ASTN2: variants seen among roughly 807,000 people sequenced by gnomAD.
The protein encoded by ASTN2 is astrotactin 2, also known as astrotactin-2.
ASTN2 carries 54 observed loss-of-function variants against 139.8 expected under a neutral mutation model. That is an observed-to-expected ratio of 0.39 (90% CI 0.31 to 0.48). ASTN2 has a LOEUF of 0.48. ASTN2 is among the 20% of genes least tolerant of loss of function. ASTN2 has a pLI of 0.95. For missense variants in ASTN2, 1,565 were observed against 1,725.1 expected, an observed-to-expected ratio of 0.91 and a Z score of 1.64; for synonymous variants, 756 against 719.5, an observed-to-expected ratio of 1.05 and a Z score of -0.81.
intron 5 of ASTN2, among the ~76,000 whole-genome samples, chr9:117,073,007 GA>G: frequency 6.6e-6 from 1 of 152,226 alleles, no homozygotes; most frequent in East Asian, 1.9e-4. Context: ...CTACAAAAGA[GA>G]AAAGGAGGGA....
At chr9:117,286,382 C>A (rs1834451669) in intron 2 of ASTN2, among the ~76,000 whole-genome samples, 1 of 138,800 alleles carries the variant, frequency 7.2e-6, no homozygotes, top group Non-Finnish European at 1.5e-5. Flanking sequence ...AGCAGAGTCT[C>A]ACTCTGTTGC....
rs571989197 is a variant in ASTN2 at position 117,291,672 on chromosome 9, A to G, written c.443-159T>C. On this transcript the variant is annotated intron_variant, in intron 1 of 22. Coordinates refer to ENST00000313400, the MANE Select transcript of ASTN2 (RefSeq NM_001365068.1). ...CTATGAGATAGGGATCATCACTTTC[A>G]TTTATAGATGAGTCAACTGTGACCA... 2.4e-4 allele frequency among the ~76,000 whole-genome samples: 37 copies of G among 152,326 alleles called. No homozygotes were observed. In the South Asian group the frequency reaches 7.0e-3, roughly 29 times the overall value.
intron 11 of ASTN2, among the ~76,000 whole-genome samples, chr9:116,840,679 G>A (rs139867447): frequency 0.057 from 4,965 of 86,504 alleles, 368 homozygotes; most frequent in African/African-American, 0.16. Context: ...TTGCCAGGCA[G>A]AGGGTCTCCT....
At chr9:116,492,816 A>C (rs1849557871) in intron 19 of ASTN2, among the ~76,000 whole-genome samples, 1 of 152,206 alleles carries the variant, frequency 6.6e-6, no homozygotes, top group Admixed American at 6.5e-5. Flanking sequence ...ATAGGAGTTT[A>C]GTACATTTCT....
intron 2 of ASTN2, among the ~76,000 whole-genome samples, chr9:117,283,132 T>C (rs1055555629): frequency 7.2e-5 from 11 of 152,322 alleles, no homozygotes; most frequent in East Asian, 3.9e-4. Flanking sequence ...AGCCGGTATG[T>C]GGAAGTCTAA....
chr9:116,491,844 G>C (rs11794318), intron 19 of ASTN2, among the ~76,000 whole-genome samples: 49,693 of 152,038 alleles, frequency 0.33, 8,593 homozygotes, highest in Admixed American at 0.44. Flanking sequence ...ATAATATACA[G>C]AGCAGTGGTT....
chr9:116,889,757 AC>A (rs1833714748), intron 10 of ASTN2, among the ~76,000 whole-genome samples: 2 of 148,976 alleles, frequency 1.3e-5, no homozygotes, highest in African/African-American at 5.0e-5. Context: ...ACACACACAC[AC>A]ACACACACAC....
chr9:116,710,755 A>AAG (rs1828132989), intron 16 of ASTN2, among the ~76,000 whole-genome samples: 1 of 148,060 alleles, frequency 6.8e-6, no homozygotes, highest in African/African-American at 2.6e-5. Flanking sequence ...AAAAAAAAAA[A>AAG]AAGAAGAGAA....
At chr9:116,712,170 G>T (rs1374506244) in intron 16 of ASTN2, among the ~76,000 whole-genome samples, 1 of 151,948 alleles carries the variant, frequency 6.6e-6, no homozygotes, top group African/African-American at 2.4e-5. Context: ...TCTTATCTCA[G>T]GGACATTTTT....
chr9:116,803,498 ATATATATATATATATATATATATATTTTT>A (rs1252195266), intron 13 of ASTN2, among the ~76,000 whole-genome samples: 1,155 of 41,554 alleles, frequency 0.028, 64 homozygotes, highest in Middle Eastern at 0.064. Flanking sequence ...ATATATATAT[ATATATATATATATATATATATATATTTTT>A]TTTTTTTTTT....
intron 20 of ASTN2, among the ~76,000 whole-genome samples, chr9:116,458,920 A>C (rs1271374133): frequency 6.6e-6 from 1 of 152,022 alleles, no homozygotes; most frequent in Non-Finnish European, 1.5e-5. Flanking sequence ...TAAAATTCAC[A>C]TGGAAATGAA....
intron 1 of ASTN2, among the ~76,000 whole-genome samples, chr9:117,405,212 G>A (rs1020941155): frequency 6.6e-6 from 1 of 152,212 alleles, no homozygotes; most frequent in Admixed American, 6.5e-5. Context: ...AAAGTCTAGA[G>A]ATGAAAAGTT....
At chr9:116,445,698 T>C (rs1847966971) in intron 20 of ASTN2, among the ~76,000 whole-genome samples, 2 of 152,226 alleles carry the variant, frequency 1.3e-5, no homozygotes, top group African/African-American at 4.8e-5. Flanking sequence ...TCACTTCGCC[T>C]GCTTTGAGCC....
rs552551468 is a variant in ASTN2, at chr9:117,075,242, G to A, written c.1276+20802C>T. Among the ~76,000 whole-genome samples the A allele has an allele frequency of 3.7e-4, 57 of 152,302 alleles. No homozygotes were observed. In the Middle Eastern group the frequency reaches 0.01, roughly 27 times the overall value. On this transcript the variant is annotated intron_variant, in intron 5 of 22. Transcript: ENST00000313400. ...CAAATCTCCCAAAGGAGTCCAGGATGAGCCCAGCCCCTCTGACAAATGCTC... is the reference window on the plus strand; with the variant it reads ...CAAATCTCCCAAAGGAGTCCAGGATAAGCCCAGCCCCTCTGACAAATGCTC...
In ASTN2 at chr9:117,306,013, T is replaced by A. The variant is rs573787046; in HGVS notation, c.443-14500A>T. ...TCACTTGCTTTGAAGCAACAGAGCCTGTCTTTGATTGTAAATTCCTGGAAA... is the reference window on the plus strand; with the variant it reads ...TCACTTGCTTTGAAGCAACAGAGCCAGTCTTTGATTGTAAATTCCTGGAAA... On this transcript the variant is annotated intron_variant, in intron 1 of 22. Coordinates refer to ENST00000313400, the MANE Select transcript of ASTN2 (RefSeq NM_001365068.1). 3.9e-5 allele frequency among the ~76,000 whole-genome samples: 6 copies of A among 152,344 alleles called. No homozygotes were observed. In the East Asian group the frequency reaches 1.2e-3, roughly 29 times the overall value.
At chr9:117,313,296 G>A (rs1828035544) in intron 1 of ASTN2, among the ~76,000 whole-genome samples, 1 of 152,190 alleles carries the variant, frequency 6.6e-6, no homozygotes, top group Non-Finnish European at 1.5e-5. Context: ...CTTCCGTTTG[G>A]ATTTTATCAT....
At chr9:116,787,401 A>AG (rs1830403814) in intron 13 of ASTN2, among the ~76,000 whole-genome samples, 1 of 152,232 alleles carries the variant, frequency 6.6e-6, no homozygotes, top group South Asian at 2.1e-4. Context: ...GTCTTTCTCA[A>AG]GGACGTGGGA....
At chr9:117,400,738 G>A (rs1009891979) in intron 1 of ASTN2, among the ~76,000 whole-genome samples, 5 of 152,120 alleles carry the variant, frequency 3.3e-5, no homozygotes, top group African/African-American at 1.2e-4. Context: ...GTTCCCAGAG[G>A]GAACCCTTCT....
rs186097706 is a variant in ASTN2, at chr9:116,454,645, T to G, written c.3498-12092A>C. ...CAAAGACTTGCAACCAACCCAAATG[T>G]CCATCAATGATAGACTGGATTAAGA... On this transcript the variant is annotated intron_variant, in intron 20 of 22. Transcript: ENST00000313400. Among the ~76,000 whole-genome samples, 830 of 152,270 alleles carry G rather than the reference T, an allele frequency of 5.5e-3. 4 individuals carry two copies. Among genetic ancestry groups the G allele is most frequent in the African/African-American group, 0.019 (805 of 41,542 alleles).
Sources: gnomAD v4.1 joint callset for allele counts (sites outside exome capture counted in the v4.1 genomes callset) on GRCh38, gnomAD v4.1.1 for gene constraint, MANE v1.5 for transcripts, NCBI Gene and HGNC (gene_info 2026-07-23, HGNC 2026-07-21) for gene names.